Variants in NR6A1 observed in about 807,000 individuals in gnomAD.
The protein encoded by NR6A1 is nuclear receptor subfamily 6 group A member 1.
NR6A1 carries 7 observed loss-of-function variants against 59.1 expected under a neutral mutation model. That is an observed-to-expected ratio of 0.12 (90% CI 0.07 to 0.22). The LOEUF (loss-of-function observed/expected upper bound fraction) is 0.22. NR6A1 is among the 10% of genes least tolerant of loss of function. The pLI, the probability that NR6A1 is intolerant of heterozygous loss-of-function variation, is 1.00. For synonymous variants in NR6A1, 243 were observed against 236.1 expected (o/e 1.03, Z -0.27); for missense variants, 468 against 611.6 (o/e 0.77, Z 2.48).
intron 2 of NR6A1, among the ~76,000 whole-genome samples, chr9:124,721,510 A>G (rs533359024): frequency 6.2e-4 from 95 of 152,334 alleles, no homozygotes; most frequent in Middle Eastern, 3.4e-3. Context: ...AATCACTAAC[A>G]GTGTTGCAGA....
At chr9:124,650,059 C>A (rs763214692) in intron 2 of NR6A1, among the ~76,000 whole-genome samples, 1 of 152,114 alleles carries the variant, frequency 6.6e-6, no homozygotes, top group African/African-American at 2.4e-5. Context: ...AATAGAACTA[C>A]CATATGATCC....
rs1832770239 is a variant in NR6A1, at chr9:124,520,154, C to T, written c.*2551G>A. 6.6e-6 allele frequency: 1 copy of T among 152,150 alleles called. No individual in the cohort carries two copies. Among genetic ancestry groups the T allele is most frequent in the Non-Finnish European group, 1.5e-5 (1 of 68,044 alleles). The allele number at this position is 152,150 out of a possible 1,614,324, so 9.4% of individuals were successfully genotyped here. ...TTCACAAATACATCTAGTGGCTGAC[C>T]TAATGTCTCCACGCTGCTAGCTACA... On this transcript the variant is annotated 3_prime_UTR_variant, in exon 10 of 10. Coordinates refer to ENST00000487099, the MANE Select transcript of NR6A1 (RefSeq NM_033334.4).
chr9:124,644,271 C>CTTTTTTTTTTTTTCTTTT (rs1836865970), intron 2 of NR6A1, among the ~76,000 whole-genome samples: 1 of 96,744 alleles, frequency 1.0e-5, no homozygotes, highest in Non-Finnish European at 1.9e-5. Flanking sequence ...ATTAAGTCTT[C>CTTTTTTTTTTTTTCTTTT]TTTTTTTTTT....
chr9:124,667,003 T>C (rs1392839894), intron 2 of NR6A1, among the ~76,000 whole-genome samples: 2 of 151,988 alleles, frequency 1.3e-5, no homozygotes, highest in African/African-American at 4.8e-5. Context: ...GTAGCTATGG[T>C]TTTACAAATT....
chr9:124,693,782 A>C, intron 2 of NR6A1: 1 of 534,602 alleles, frequency 1.9e-6, no homozygotes, highest in Non-Finnish European at 3.8e-6. Context: ...CAATGAATGC[A>C]AACTGCGGAC....
At chr9:124,729,440 C>G (rs572346043) in intron 2 of NR6A1, among the ~76,000 whole-genome samples, 2 of 152,080 alleles carry the variant, frequency 1.3e-5, no homozygotes, top group East Asian at 3.9e-4. Context: ...CAAAAGTTAG[C>G]CAGGCATGTG....
Position 124,759,117 on chromosome 9 carries a change from G to A in NR6A1, c.100+11903C>T, listed in dbSNP as rs996217988. Among the ~76,000 whole-genome samples the A allele has an allele frequency of 6.6e-5, 10 of 152,094 alleles. No homozygotes were observed. In the East Asian group the frequency reaches 1.3e-3, roughly 21 times the overall value. On this transcript the variant is annotated intron_variant, in intron 1 of 9. Transcript: ENST00000487099. ...CTAACATAATCTATTAACCCACACT[G>A]CCTATCCTCTTTTACATCTTTCTCA...
chr9:124,579,534 G>T (rs1171226820), intron 2 of NR6A1, among the ~76,000 whole-genome samples: 3 of 151,782 alleles, frequency 2.0e-5, no homozygotes, highest in Non-Finnish European at 4.4e-5. Flanking sequence ...TCCAGCCCTG[G>T]TGAGACCCCA....
At chr9:124,662,183 G>A (rs73583612) in intron 2 of NR6A1, among the ~76,000 whole-genome samples, 2,783 of 152,254 alleles carry the variant, frequency 0.018, 76 homozygotes, top group African/African-American at 0.062. Context: ...CTGGAAGACA[G>A]GTAGTCATGG....
At chr9:124,706,599 A>G (rs938610144) in intron 2 of NR6A1, among the ~76,000 whole-genome samples, 1 of 151,920 alleles carries the variant, frequency 6.6e-6, no homozygotes, top group Non-Finnish European at 1.5e-5. Context: ...GCAACCTCCA[A>G]TTCCCTGGTT....
intron 2 of NR6A1, among the ~76,000 whole-genome samples, chr9:124,589,160 A>G (rs573571608): frequency 6.6e-6 from 1 of 152,028 alleles, no homozygotes; most frequent in Admixed American, 6.5e-5. Flanking sequence ...GTTAAAAACA[A>G]AAACAGGCCA....
chr9:124,555,173 C>A (rs1456758747), intron 2 of NR6A1, among the ~76,000 whole-genome samples: 1 of 152,204 alleles, frequency 6.6e-6, no homozygotes, highest in Non-Finnish European at 1.5e-5. Flanking sequence ...TCATGATCCC[C>A]AGAGTCATGG....
intron 2 of NR6A1, chr9:124,698,383 G>C (rs1265100267): frequency 6.6e-6 from 1 of 152,190 alleles, no homozygotes; most frequent in Non-Finnish European, 1.5e-5. Context: ...AGGAAGGAAA[G>C]GCGAACTGTC....
chr9:124,664,809 T>C (rs940550739), intron 2 of NR6A1, among the ~76,000 whole-genome samples: 1 of 151,876 alleles, frequency 6.6e-6, no homozygotes, highest in Non-Finnish European at 1.5e-5. Flanking sequence ...TGACCAAATA[T>C]ATTACCTGCC....
chr9:124,700,044 T>C (rs1191317096), intron 2 of NR6A1, among the ~76,000 whole-genome samples: 1 of 152,068 alleles, frequency 6.6e-6, no homozygotes, highest in African/African-American at 2.4e-5. Flanking sequence ...GAGATGGAGT[T>C]TCGCCATGTT....
At chr9:124,695,660 G>A (rs560107700) in intron 2 of NR6A1, among the ~76,000 whole-genome samples, 6 of 152,214 alleles carry the variant, frequency 3.9e-5, no homozygotes, top group Middle Eastern at 3.4e-3. Flanking sequence ...ATGAGTCACC[G>A]CGCCCGGCCC....
At chr9:124,566,447 A>G (rs1338637237) in intron 2 of NR6A1, among the ~76,000 whole-genome samples, 1 of 152,244 alleles carries the variant, frequency 6.6e-6, no homozygotes, top group Admixed American at 6.5e-5. Context: ...AAGGGAAATG[A>G]TATCAGCAAC....
chr9:124,725,901 A>G (rs1219016045), intron 2 of NR6A1, among the ~76,000 whole-genome samples: 2 of 152,236 alleles, frequency 1.3e-5, no homozygotes, highest in Non-Finnish European at 2.9e-5. Flanking sequence ...TTTAATGATC[A>G]AAGTATAGTG....
At chr9:124,640,989 A>T (rs566704426) in intron 2 of NR6A1, among the ~76,000 whole-genome samples, 4 of 152,166 alleles carry the variant, frequency 2.6e-5, no homozygotes. Context: ...TAAGCATTTC[A>T]TATGTTATTT....
Sources: gnomAD v4.1 joint callset for allele counts (sites outside exome capture counted in the v4.1 genomes callset) on GRCh38, gnomAD v4.1.1 for gene constraint, MANE v1.5 for transcripts, NCBI Gene and HGNC (gene_info 2026-07-23, HGNC 2026-07-21) for gene names.